The following TUSC3 variants were observed in gnomAD, a reference collection of about 807,000 sequenced individuals.
The protein encoded by TUSC3 is dolichyl-diphosphooligosaccharide--protein glycosyltransferase subunit TUSC3.
In TUSC3, 45 loss-of-function variants were observed where a neutral mutation model predicts 44.8. The ratio of observed to expected loss-of-function variants is 1.00; its 90% CI spans 0.79 to 1.29. TUSC3 has a LOEUF of 1.29. TUSC3 is among the 50% of genes most tolerant of loss of function. The pLI, the probability that TUSC3 is intolerant of heterozygous loss-of-function variation, is 0.00. For missense variants in TUSC3, 519 were observed against 437.9 expected (o/e 1.19, Z -1.65); for synonymous variants, 212 against 152.9 (o/e 1.39, Z -2.85).
intron 2 of TUSC3, among the ~76,000 whole-genome samples, chr8:15,499,978 C>G (rs1223379446): frequency 1.3e-5 from 2 of 152,152 alleles, no homozygotes; most frequent in African/African-American, 4.8e-5. Context: ...ATTTCCAGCA[C>G]TCTATATTTT....
At chr8:15,611,964 T>A (rs1261869521) in intron 1 of TUSC3, among the ~76,000 whole-genome samples, 1 of 152,202 alleles carries the variant, frequency 6.6e-6, no homozygotes, top group African/African-American at 2.4e-5. Context: ...TGGGTTTTCA[T>A]TGAACTCCTT....
intron 1 of TUSC3, among the ~76,000 whole-genome samples, 182 bp from the exon 2 acceptor site, chr8:15,622,898 C>A (rs1446873973): frequency 6.6e-6 from 1 of 151,928 alleles, no homozygotes; most frequent in Non-Finnish European, 1.5e-5. Flanking sequence ...AAGAGAAAAC[C>A]CAACATTATA....
At chr8:15,830,614 C>G in the TUSC3 span, among the ~76,000 whole-genome samples, 5 of 152,134 alleles carry the variant, frequency 3.3e-5, no homozygotes, top group African/African-American at 1.2e-4. Flanking sequence ...TGTAGCAACA[C>G]AGGTAGAGGT....
the TUSC3 span, among the ~76,000 whole-genome samples, chr8:15,798,428 T>C: frequency 6.6e-6 from 1 of 152,126 alleles, no homozygotes; most frequent in Admixed American, 6.5e-5. Context: ...TAACCTTTGA[T>C]TCCACCTTAG....
intron 2 of TUSC3, among the ~76,000 whole-genome samples, chr8:15,640,002 A>G (rs569464936): frequency 6.6e-6 from 1 of 152,294 alleles, no homozygotes; most frequent in African/African-American, 2.4e-5. Flanking sequence ...ATCGTTAGAA[A>G]GGGGAGCTCC....
At chr8:15,448,902 C>G (rs1240531230) in intron 1 of TUSC3, among the ~76,000 whole-genome samples, 2 of 151,978 alleles carry the variant, frequency 1.3e-5, no homozygotes, top group African/African-American at 2.4e-5. Context: ...AGTGACGTAG[C>G]CATTATAACA....
chr8:15,458,790 C>T (rs1255199265), intron 1 of TUSC3, among the ~76,000 whole-genome samples: 2 of 152,102 alleles, frequency 1.3e-5, no homozygotes, highest in African/African-American at 4.8e-5. Flanking sequence ...GAAGAACCAT[C>T]AGTTTATCTT....
chr8:15,746,976 A>G (rs2129216772), intron 8 of TUSC3, among the ~76,000 whole-genome samples: 1 of 152,112 alleles, frequency 6.6e-6, no homozygotes, highest in South Asian at 2.1e-4. Flanking sequence ...TTCTCCCAAT[A>G]TTCATTTGAA....
At chr8:15,757,954 T>C in intron 10 of TUSC3, 99 bp downstream of exon 10, 1 of 1,515,704 alleles carries the variant, frequency 6.6e-7, no homozygotes. Context: ...TAAATTACTG[T>C]TTTACAAATG....
intron 1 of TUSC3, among the ~76,000 whole-genome samples, chr8:15,589,645 A>G (rs1298846360): frequency 1.3e-5 from 2 of 152,188 alleles, no homozygotes; most frequent in South Asian, 2.1e-4. Flanking sequence ...ACCTATATTA[A>G]TTAGGTTCTT....
intron 6 of TUSC3, chr8:15,689,085 GC>G: frequency 2.6e-6 from 1 of 378,696 alleles, no homozygotes; most frequent in Admixed American, 3.4e-5. Flanking sequence ...CCTGTAGTTT[GC>G]CTTTCTTTTC....
At chr8:15,689,429 C>G in intron 6 of TUSC3, 1 of 197,254 alleles carries the variant, frequency 5.1e-6, no homozygotes, top group Non-Finnish European at 1.0e-5. Flanking sequence ...TCTTGATACC[C>G]ATAGTCTTGC....
chr8:15,712,172 A>C (rs1288129048), intron 6 of TUSC3, among the ~76,000 whole-genome samples: 1 of 152,020 alleles, frequency 6.6e-6, no homozygotes, highest in Non-Finnish European at 1.5e-5. Flanking sequence ...CTTATTTGAA[A>C]AATAAGATTA....
At chr8:15,465,487 CA>C (rs1342154602) in intron 1 of TUSC3, among the ~76,000 whole-genome samples, 1 of 152,152 alleles carries the variant, frequency 6.6e-6, no homozygotes, top group Non-Finnish European at 1.5e-5. Flanking sequence ...CAATGATCAA[CA>C]AACATTATTG....
chr8:15,650,570 AC>A, intron 2 of TUSC3, 126 bp from the exon 3 acceptor site: 2 of 719,260 alleles, frequency 2.8e-6, no homozygotes, highest in Non-Finnish European at 4.8e-6. Flanking sequence ...TATTTTAAAA[AC>A]TATGCTTTTC....
the TUSC3 span, among the ~76,000 whole-genome samples, chr8:15,814,715 A>C: frequency 6.6e-6 from 1 of 152,134 alleles, no homozygotes; most frequent in Non-Finnish European, 1.5e-5. Flanking sequence ...CAAATGAAAA[A>C]CTTCAGCTGA....
At chr8:15,562,481 G>T (rs1452018096) in intron 1 of TUSC3, among the ~76,000 whole-genome samples, 4 of 152,074 alleles carry the variant, frequency 2.6e-5, no homozygotes, top group African/African-American at 9.7e-5. Flanking sequence ...ACAATTTAGT[G>T]GCTTAAAATA....
intron 2 of TUSC3, among the ~76,000 whole-genome samples, chr8:15,629,736 T>TA (rs35310787): frequency 4.2e-4 from 60 of 144,524 alleles, no homozygotes; most frequent in East Asian, 1.0e-3. Flanking sequence ...TTCTTTTCTT[T>TA]AAAAAAAAAA....
chr8:15,718,287 A>C (rs1810140975), intron 6 of TUSC3, among the ~76,000 whole-genome samples: 1 of 152,154 alleles, frequency 6.6e-6, no homozygotes, highest in African/African-American at 2.4e-5. Flanking sequence ...AGAATAGGAA[A>C]TGCCCGTTGG....
Sources: allele counts gnomAD v4.1 joint callset (sites outside exome capture counted in the v4.1 genomes callset), GRCh38; gene constraint gnomAD v4.1.1; transcripts MANE v1.5; gene names NCBI Gene and HGNC (gene_info 2026-07-23, HGNC 2026-07-21).